The following USH2A variants were observed in gnomAD, a reference collection of about 807,000 sequenced individuals.
USH2A encodes the protein usherin.
Under a neutral mutation model 538.9 loss-of-function variants are expected in USH2A, and 443 were observed. The observed-to-expected ratio is 0.82, with a 90% CI of 0.76 to 0.89. USH2A has a LOEUF of 0.89. Among genes scored for constraint, USH2A ranks in the 40% least tolerant of loss-of-function variants. The pLI, the probability that USH2A is intolerant of heterozygous loss-of-function variation, is 0.00. For synonymous variants in USH2A, 2,413 were observed against 2,273.5 expected (o/e 1.06, Z -1.75); for missense variants, 6,633 against 6,324.8 (o/e 1.05, Z -1.65).
At chr1:216,241,338 G>A (rs987752380) in intron 13 of USH2A, among the ~76,000 whole-genome samples, 1 of 152,152 alleles carries the variant, frequency 6.6e-6, no homozygotes, top group African/African-American at 2.4e-5. Context: ...CTAGGAAAAT[G>A]ATAAGGCAGG....
chr1:215,936,119 A>G lies in USH2A; in HGVS notation c.7121-1324T>C, dbSNP rs114890506. Among the ~76,000 whole-genome samples the G allele has an allele frequency of 9.9e-3, 1,499 of 152,108 alleles. 21 individuals carry two copies. The highest frequency in any genetic ancestry group is 0.035 in the African/African-American group (1,447 of 41,528). On this transcript the variant is annotated intron_variant, in intron 37 of 71. Coordinates refer to ENST00000307340, the MANE Select transcript of USH2A (RefSeq NM_206933.4). ...CCACTTTTTATTATATGTACATTCAATCTTTCACACACAAATTCTGCAGAT... is the reference window on the plus strand; with the variant it reads ...CCACTTTTTATTATATGTACATTCAGTCTTTCACACACAAATTCTGCAGAT...
intron 58 of USH2A, among the ~76,000 whole-genome samples, chr1:215,753,526 G>A (rs1386579454): frequency 6.6e-6 from 1 of 152,128 alleles, no homozygotes; most frequent in African/African-American, 2.4e-5. Context: ...ACAGATGAAG[G>A]TGGAAACCAT....
chr1:215,856,553 C>G (rs76927094), intron 44 of USH2A, among the ~76,000 whole-genome samples: 1 of 151,994 alleles, frequency 6.6e-6, no homozygotes, highest in Non-Finnish European at 1.5e-5. Flanking sequence ...AAATAATAGA[C>G]CTTGGCATAG....
intron 32 of USH2A, among the ~76,000 whole-genome samples, chr1:216,031,865 G>T (rs1571903819): frequency 6.6e-6 from 1 of 152,132 alleles, no homozygotes; most frequent in East Asian, 1.9e-4. Context: ...TGTGTCTAGT[G>T]ACTACGCAAC....
At chr1:215,672,973 C>A (rs532359233) in intron 63 of USH2A, among the ~76,000 whole-genome samples, 108 of 152,198 alleles carry the variant, frequency 7.1e-4, no homozygotes, top group African/African-American at 2.6e-3. Flanking sequence ...CAAAAGGGAG[C>A]AAATTGATAT....
At chr1:216,169,210 T>C (rs2034228631) in intron 21 of USH2A, among the ~76,000 whole-genome samples, 1 of 152,104 alleles carries the variant, frequency 6.6e-6, no homozygotes, top group African/African-American at 2.4e-5. Context: ...ACAATGCATT[T>C]TGAAAAATTT....
In USH2A at chr1:215,782,928, G is replaced by T. The variant is rs775961749; in HGVS notation, c.10395C>A (p.Asn3465Lys). 1.9e-6 allele frequency: 3 copies of T among 1,613,164 alleles called. No homozygotes were observed. The highest frequency in any genetic ancestry group is 3.3e-5 in the Admixed American group (2 of 59,850). ...ACTCATATGTCATGTAGGGCTTGAG[G>T]TTCACATCTGGAAAGAGAAAAAATA... ...SVNTYSYTDVNLKPYMTYEYR... is the reference protein window; with the variant it reads ...SVNTYSYTDVKLKPYMTYEYR... The change falls in exon 53 of 72, where the codon AAC (asparagine) becomes AAA (lysine). Residue 3465 changes from asparagine to lysine, a missense_variant. Physicochemically the swap from Asn to Lys is moderately conservative, Grantham distance 94 (BLOSUM62 0). Transcript: ENST00000307340.
At chr1:216,002,204 G>A (rs1007705815) in intron 32 of USH2A, among the ~76,000 whole-genome samples, 3 of 152,144 alleles carry the variant, frequency 2.0e-5, no homozygotes, top group Non-Finnish European at 4.4e-5. Context: ...GCTACCGAGA[G>A]AGTAGACTAT....
intron 32 of USH2A, among the ~76,000 whole-genome samples, chr1:216,029,975 G>GATATATCAT (rs2102509852): frequency 9.8e-6 from 1 of 102,180 alleles, no homozygotes; most frequent in African/African-American, 3.0e-5. Context: ...TAGATAGAGA[G>GATATATCAT]AGATATAGAT....
intron 47 of USH2A, among the ~76,000 whole-genome samples, chr1:215,829,138 A>G (rs1055646322): frequency 1.5e-4 from 23 of 152,330 alleles, no homozygotes; most frequent in African/African-American, 4.6e-4. Flanking sequence ...GAAGGAGCTG[A>G]TGATAATATG....
intron 48 of USH2A, among the ~76,000 whole-genome samples, chr1:215,816,396 T>C (rs1662858725): frequency 6.6e-6 from 1 of 152,082 alleles, no homozygotes. Context: ...TATGGTGTTC[T>C]TTTGCAGTAA....
In USH2A at chr1:216,292,294, G is replaced by C; in HGVS notation, c.1721C>G (p.Pro574Arg). Residue 574 changes from proline (P) to arginine (R), a missense_variant, in exon 10 of 72, where the codon CCT becomes CGT. Coordinates refer to ENST00000307340, the MANE Select transcript of USH2A (RefSeq NM_206933.4). ...GDQVYAFNCK[P>R]CQCNSHSKSC... ...TTTGGAATGGCTGTTGCATTGACAA[G>C]GTTTACAATTGAAAGCGTAAACTTG... 9.9e-6 allele frequency: 16 copies of C among 1,614,024 alleles called. No homozygotes were observed. Among genetic ancestry groups the C allele is most frequent in the Non-Finnish European group, 1.4e-5 (16 of 1,179,962 alleles).
At chr1:215,865,252 C>T (rs1019059550) in intron 44 of USH2A, among the ~76,000 whole-genome samples, 1 of 152,064 alleles carries the variant, frequency 6.6e-6, no homozygotes, top group African/African-American at 2.4e-5. Context: ...CCTTTGTGCT[C>T]ACAAATAGTT....
chr1:216,351,065 C>A (rs1485516587), intron 4 of USH2A, among the ~76,000 whole-genome samples: 2 of 152,080 alleles, frequency 1.3e-5, no homozygotes, highest in African/African-American at 4.8e-5. Context: ...GATTCATTTA[C>A]TTGGAAAATA....
chr1:216,209,157 A>G (rs771579946), intron 15 of USH2A, among the ~76,000 whole-genome samples: 7 of 152,174 alleles, frequency 4.6e-5, no homozygotes, highest in Non-Finnish European at 5.9e-5. Flanking sequence ...TCTGCACACT[A>G]TCTCTAGCTT....
intron 11 of USH2A, among the ~76,000 whole-genome samples, chr1:216,263,577 A>T (rs1483600493): frequency 6.6e-6 from 1 of 152,188 alleles, no homozygotes; most frequent in East Asian, 1.9e-4. Context: ...ACATCCCTTT[A>T]TGCTAAAAAC....
At chr1:216,237,025 A>G (rs2035836448) in intron 13 of USH2A, among the ~76,000 whole-genome samples, 1 of 152,184 alleles carries the variant, frequency 6.6e-6, no homozygotes, top group South Asian at 2.1e-4. Context: ...ATGTGTATGC[A>G]TATTCAAAAT....
At chr1:215,977,502 A>T (rs1184688236) in intron 35 of USH2A, among the ~76,000 whole-genome samples, 5 of 150,968 alleles carry the variant, frequency 3.3e-5, no homozygotes, top group African/African-American at 7.3e-5. Context: ...ATAATTTTTT[A>T]AATTAATTAA....
chr1:216,305,408 T>C (rs2037296939), intron 9 of USH2A, among the ~76,000 whole-genome samples: 1 of 152,152 alleles, frequency 6.6e-6, no homozygotes, highest in Non-Finnish European at 1.5e-5. Context: ...AGTCCTTATG[T>C]GTTAGATGAG....
Sources: allele counts gnomAD v4.1 joint callset (sites outside exome capture counted in the v4.1 genomes callset), GRCh38; gene constraint gnomAD v4.1.1; transcripts MANE v1.5; gene names NCBI Gene and HGNC (gene_info 2026-07-23, HGNC 2026-07-21).